Variants in NLRC5 observed in about 807,000 individuals in gnomAD.
The protein encoded by NLRC5 is NLR family CARD domain containing 5, also known as protein NLRC5.
NLRC5 carries 114 observed loss-of-function variants against 206.9 expected under a neutral mutation model. The observed-to-expected ratio is 0.55, with a 90% CI of 0.47 to 0.64. The LOEUF is 0.64. Ranked by LOEUF, NLRC5 falls within the 30% of genes least tolerant of loss-of-function variation. NLRC5 has a pLI of 0.00. For missense variants in NLRC5, 2,008 were observed against 2,305.5 expected, an observed-to-expected ratio of 0.87 and a Z score of 2.64; for synonymous variants, 952 against 962.8, an observed-to-expected ratio of 0.99 and a Z score of 0.21.
chr16:57,040,672 A>G lies in NLRC5; in HGVS notation c.2893A>G (p.Met965Val). 2 of 1,614,136 alleles carry G rather than the reference A, an allele frequency of 1.2e-6. No homozygotes were observed. Among genetic ancestry groups the G allele is most frequent in the South Asian group, 1.1e-5 (1 of 91,084 alleles). ...CAGGGCTGCATTTCTTGACAGCCTC[A>G]TGCTCCAGATGCCCTCTGAGCTGCC... Reference protein sequence around the residue: ...QERAAFLDSLMLQMPSELPLS... With the variant: ...QERAAFLDSLVLQMPSELPLS... Residue 965 changes from methionine to valine, a missense_variant, in exon 17 of 49, where the codon ATG becomes GTG. Met to Val is a conservative substitution (Grantham distance 21). Transcript: ENST00000688547.
intron 1 of NLRC5, among the ~76,000 whole-genome samples, chr16:57,015,945 A>T (rs78601172): frequency 1.8e-5 from 1 of 55,592 alleles, no homozygotes; most frequent in Non-Finnish European, 5.7e-5. Flanking sequence ...AAAAAAAAAA[A>T]AAAGAAAGAA....
intron 40 of NLRC5, 29 bp downstream of exon 40, chr16:57,076,931 A>C: frequency 3.1e-6 from 5 of 1,606,906 alleles, no homozygotes; most frequent in Non-Finnish European, 4.3e-6. Context: ...CCCCAGACCC[A>C]GGACAATTTT....
Position 57,036,188 on chromosome 16 carries a change from G to A in NLRC5, c.2711+5G>A. The A allele has an allele frequency of 6.2e-7, 1 of 1,612,586 alleles. No homozygotes were observed. Among genetic ancestry groups the A allele is most frequent in the Non-Finnish European group, 8.5e-7 (1 of 1,179,726 alleles). ...GCACATCGCCAGGAAGCTGGAGTGA[G>A]TTGTCCACCCCACCGCTGGGTACCA... On this transcript the variant is annotated splice_donor_5th_base_variant and intron_variant, in intron 14 of 48. Transcript: ENST00000688547.
chr16:57,037,320 C>G (rs1684580), intron 15 of NLRC5, 36 bp downstream of exon 15: 1,029,732 of 1,563,146 alleles, frequency 0.66, 346,219 homozygotes, highest in Non-Finnish European at 0.7. Context: ...CCCATCCCCC[C>G]CCCCATCATG....
chr16:57,079,946 G>T (rs1024886099), intron 46 of NLRC5, among the ~76,000 whole-genome samples: 2 of 152,196 alleles, frequency 1.3e-5, no homozygotes, highest in South Asian at 2.1e-4. Context: ...GAGGCAACTG[G>T]ATAGACCACC....
chr16:57,082,154 T>C (rs2069230723), intron 48 of NLRC5, among the ~76,000 whole-genome samples: 2 of 152,240 alleles, frequency 1.3e-5, no homozygotes, highest in African/African-American at 4.8e-5. Flanking sequence ...AGAGGGTCTT[T>C]TCCTTATTTG....
At chr16:56,993,864 A>C (rs1407079125) in intron 1 of NLRC5, among the ~76,000 whole-genome samples, 1 of 151,448 alleles carries the variant, frequency 6.6e-6, no homozygotes, top group Non-Finnish European at 1.5e-5. Flanking sequence ...ATGGTGGCAT[A>C]GTTGCTTATA....
chr16:57,077,751 G>A lies in NLRC5; in HGVS notation c.4952G>A (p.Gly1651Glu), dbSNP rs1321529261. Residue 1651 changes from glycine to glutamate, a missense_variant, in exon 42 of 49, where the codon GGA becomes GAA. Physicochemically the swap from Gly to Glu is moderately conservative, Grantham distance 98. Transcript: ENST00000688547. The stretch of plus-strand genomic sequence containing the variant: ...GGGAATAGCATCAGCTCAGCCGGGG[G>A]AGTGCAGTTGGCAGAGTCTCTCGTT... ...LSGNSISSAG[G>E]VQLAESLVLC... 6 of 1,603,928 alleles carry A rather than the reference G, an allele frequency of 3.7e-6. No individual in the cohort carries two copies. The highest frequency in any genetic ancestry group is 1.7e-4 in the Middle Eastern group (1 of 6,010).
chr16:57,063,257 C>T (rs953214227), intron 32 of NLRC5, among the ~76,000 whole-genome samples: 5 of 151,558 alleles, frequency 3.3e-5, no homozygotes, highest in Middle Eastern at 3.4e-3. Context: ...GGATTACAGG[C>T]GCCCGCCACC....
intron 39 of NLRC5, among the ~76,000 whole-genome samples, chr16:57,075,141 C>A (rs1046826681): frequency 6.7e-6 from 1 of 149,676 alleles, no homozygotes; most frequent in Non-Finnish European, 1.5e-5. Flanking sequence ...CCTGGGCGAA[C>A]GTGATCCTCC....
At chr16:57,004,893 C>A (rs2058723902) in intron 1 of NLRC5, among the ~76,000 whole-genome samples, 1 of 152,126 alleles carries the variant, frequency 6.6e-6, no homozygotes, top group Admixed American at 6.5e-5. Flanking sequence ...GACTCAGAGC[C>A]CCCATAAATC....
intron 19 of NLRC5, 67 bp downstream of exon 19, chr16:57,042,132 C>T (rs2063358520): frequency 9.8e-7 from 1 of 1,025,246 alleles, no homozygotes; most frequent in African/African-American, 1.7e-5. Context: ...GTCCCATCCC[C>T]CTCTTTCCTG....
At position 57,082,688 on chromosome 16, in the gene NLRC5, A is replaced by G. The variant is rs2069296006; in HGVS notation, c.*160A>G. On this transcript the variant is annotated 3_prime_UTR_variant, in exon 49 of 49. Transcript: ENST00000688547. ...GTGTGTCCTGCTGCAGTCCTCAGGGAGAACTTTTTTGGGAACCAGGAGCTG... is the reference window on the plus strand; with the variant it reads ...GTGTGTCCTGCTGCAGTCCTCAGGGGGAACTTTTTTGGGAACCAGGAGCTG... The G allele has an allele frequency of 1.7e-6, 1 of 582,040 alleles. No individual in the cohort carries two copies. The highest frequency in any genetic ancestry group is 3.2e-5 in the Admixed American group (1 of 31,524). The allele number at this position is 582,040 out of a possible 1,614,324, so 36.1% of individuals were successfully genotyped here.
chr16:57,022,180 C>A (rs2060742632), intron 3 of NLRC5, 76 bp from the exon 4 acceptor site: 3 of 1,282,982 alleles, frequency 2.3e-6, no homozygotes, highest in Non-Finnish European at 3.3e-6. Flanking sequence ...AGCCCTGAGC[C>A]AGGCGCCAGG....
At chr16:57,027,691 C>T (rs952210545) in intron 6 of NLRC5, among the ~76,000 whole-genome samples, 2 of 152,202 alleles carry the variant, frequency 1.3e-5, no homozygotes, top group Non-Finnish European at 2.9e-5. Context: ...GTCAAAGCTA[C>T]GTCATGGGTA....
rs1392397475 is a variant in NLRC5 at position 57,026,705 on chromosome 16, G to A, written c.1762G>A (p.Val588Met). ...CCTGGCGCAGGGCAATGAGGACTGT[G>A]TGGGTGCCAAGCAGGCTGCTGTAGT... is the stretch of plus-strand genomic sequence containing the variant. ...SHLAQGNEDCVGAKQAAVVQV... is the reference protein window; with the variant it reads ...SHLAQGNEDCMGAKQAAVVQV... Residue 588 changes from valine (V) to methionine (M), a missense_variant, in exon 6 of 49, where the codon GTG becomes ATG. By Grantham distance (21) the Val-to-Met change is conservative. Coordinates refer to ENST00000688547, the MANE Select transcript of NLRC5 (RefSeq NM_001384950.1). 6.2e-7 allele frequency: 1 copy of A among 1,613,956 alleles called. No homozygotes were observed. The highest frequency in any genetic ancestry group is 8.5e-7 in the Non-Finnish European group (1 of 1,179,944).
chr16:57,064,412 A>G (rs2066871932), intron 32 of NLRC5, among the ~76,000 whole-genome samples: 1 of 152,224 alleles, frequency 6.6e-6, no homozygotes, highest in African/African-American at 2.4e-5. Context: ...ACATAAAATA[A>G]AAATCACTCA....
intron 1 of NLRC5, among the ~76,000 whole-genome samples, chr16:57,012,900 T>C (rs1252273339): frequency 2.6e-5 from 4 of 152,226 alleles, no homozygotes; most frequent in Admixed American, 6.5e-5. Flanking sequence ...CCATTCTATG[T>C]GGGTGTGAAA....
chr16:57,068,454 T>A (rs2067295746), intron 36 of NLRC5, among the ~76,000 whole-genome samples: 1 of 149,596 alleles, frequency 6.7e-6, no homozygotes. Context: ...AAAGAACAAA[T>A]TCACCCTTTG....
Sources: gnomAD v4.1 joint callset for allele counts (sites outside exome capture counted in the v4.1 genomes callset) on GRCh38, gnomAD v4.1.1 for gene constraint, MANE v1.5 for transcripts, NCBI Gene and HGNC (gene_info 2026-07-23, HGNC 2026-07-21) for gene names.